The following DNAJA2 variants were observed in gnomAD, a reference collection of about 807,000 sequenced individuals.
DNAJA2 encodes the protein DnaJ heat shock protein family (Hsp40) member A2.
DNAJA2 carries 6 observed loss-of-function variants against 49.3 expected under a neutral mutation model. That is an observed-to-expected ratio of 0.12 (90% CI 0.07 to 0.24). DNAJA2 has a LOEUF of 0.24. Ranked by LOEUF, DNAJA2 falls within the 10% of genes least tolerant of loss-of-function variation. The pLI is 1.00. For synonymous variants in DNAJA2, 160 were observed against 172.7 expected (o/e 0.93, Z 0.58); for missense variants, 347 against 516.8 (o/e 0.67, Z 3.19).
intron 3 of DNAJA2, among the ~76,000 whole-genome samples, chr16:46,969,370 T>C (rs1962015358): frequency 6.6e-6 from 1 of 152,202 alleles, no homozygotes; most frequent in African/African-American, 2.4e-5. Flanking sequence ...ACCAAAACGC[T>C]TGTTGCATCT....
Position 46,955,370 on chromosome 16 carries a change from T to C in DNAJA2, c.*1659A>G, listed in dbSNP as rs1323693094. ...GACAGACTACACTGAACAACTGTTTTATAAACCTTTATTGGAAAGGCTACA... is the reference window on the plus strand; with the variant it reads ...GACAGACTACACTGAACAACTGTTTCATAAACCTTTATTGGAAAGGCTACA... On this transcript the variant is annotated 3_prime_UTR_variant, in exon 9 of 9. Coordinates refer to ENST00000317089, the MANE Select transcript of DNAJA2 (RefSeq NM_005880.4). The C allele has an allele frequency of 1.3e-5, 2 of 152,236 alleles. No individual in the cohort carries two copies. The highest frequency in any genetic ancestry group is 2.9e-5 in the Non-Finnish European group (2 of 68,036). The allele number at this position is 152,236 out of a possible 1,614,324, so 9.4% of individuals were successfully genotyped here.
At chr16:46,964,476 C>T in intron 6 of DNAJA2, 135 bp downstream of exon 6, 1 of 777,696 alleles carries the variant, frequency 1.3e-6, no homozygotes. Flanking sequence ...GTCTTAGGAA[C>T]TCACCATGAT....
intron 5 of DNAJA2, among the ~76,000 whole-genome samples, chr16:46,967,119 TTC>T: frequency 6.6e-6 from 1 of 152,286 alleles, no homozygotes; most frequent in Middle Eastern, 3.4e-3. Flanking sequence ...CAGGGTCTTG[TTC>T]TGTCACCCTG....
chr16:46,967,792 T>C lies in DNAJA2; in HGVS notation c.444-146A>G, dbSNP rs1048024158. ...CTTCCAGAAGTATCAGAAAACATTC[T>C]GCTAAGATTTTTTTACTTATTTATT... On this transcript the variant is annotated intron_variant, in intron 4 of 8. Transcript: ENST00000317089. 5 of 1,218,298 alleles carry C rather than the reference T, an allele frequency of 4.1e-6. No homozygotes were observed. In the Admixed American group the frequency reaches 1.2e-4, roughly 28 times the overall value. 75.5% of individuals were successfully genotyped at this position (1,218,298 alleles called of 1,614,324 possible).
rs1333522652 is a variant in DNAJA2 at position 46,973,484 on chromosome 16, C to T, written c.78+11G>A. On this transcript the variant is annotated intron_variant, in intron 1 of 8. Coordinates refer to ENST00000317089, the MANE Select transcript of DNAJA2 (RefSeq NM_005880.4). ...GCGCCCCTCACACCCGCCCGGCCCG[C>T]TCCCAGATACCTTCTTCAGCTCGTT... The T allele has an allele frequency of 6.3e-7, 1 of 1,594,474 alleles. No homozygotes were observed. Among genetic ancestry groups the T allele is most frequent in the East Asian group, 2.3e-5 (1 of 43,136 alleles).
Position 46,955,543 on chromosome 16 carries a change from T to G in DNAJA2, c.*1486A>C, listed in dbSNP as rs797008576. Reference sequence around the variant, plus strand: ...GAGGTAGAGTGGATAGGTCAATAATTTAAACCTCACAGGACTTGATTAGTG... The same window carrying G: ...GAGGTAGAGTGGATAGGTCAATAATGTAAACCTCACAGGACTTGATTAGTG... On this transcript the variant is annotated 3_prime_UTR_variant, in exon 9 of 9. Transcript: ENST00000317089. The G allele has an allele frequency of 4.6e-5, 7 of 152,302 alleles. No homozygotes were observed. The highest frequency in any genetic ancestry group is 1.7e-4 in the African/African-American group (7 of 41,572). 9.4% of individuals were successfully genotyped at this position (152,302 alleles called of 1,614,324 possible).
At chr16:46,966,520 T>C (rs984672161) in intron 5 of DNAJA2, among the ~76,000 whole-genome samples, 2 of 152,204 alleles carry the variant, frequency 1.3e-5, no homozygotes, top group African/African-American at 4.8e-5. Context: ...ATACAGAACA[T>C]TTCCATCATC....
chr16:46,964,906 T>A, intron 5 of DNAJA2, 99 bp from the exon 6 acceptor site: 1 of 1,019,426 alleles, frequency 9.8e-7, no homozygotes, highest in Non-Finnish European at 1.4e-6. Context: ...TTTTAATCAC[T>A]ACCTAAATTT....
intron 6 of DNAJA2, among the ~76,000 whole-genome samples, chr16:46,962,333 T>C (rs547782814): frequency 2.0e-4 from 30 of 152,256 alleles, no homozygotes; most frequent in African/African-American, 7.0e-4. Context: ...AAAACTAAAC[T>C]TAGGGATAAA....
chr16:46,967,930 G>A (rs904067265), intron 4 of DNAJA2, among the ~76,000 whole-genome samples, 154 bp downstream of exon 4: 1 of 151,916 alleles, frequency 6.6e-6, no homozygotes, highest in Non-Finnish European at 1.5e-5. Context: ...TGATCCACCC[G>A]ACTCGGCCTC....
intron 5 of DNAJA2, among the ~76,000 whole-genome samples, chr16:46,966,846 G>A (rs1961978469): frequency 6.6e-6 from 1 of 152,030 alleles, no homozygotes; most frequent in Non-Finnish European, 1.5e-5. Flanking sequence ...TTGATTATTT[G>A]TCCCTTTGTA....
chr16:46,972,934 G>A (rs1049655215), intron 1 of DNAJA2: 2 of 152,318 alleles, frequency 1.3e-5, no homozygotes, highest in Non-Finnish European at 2.9e-5. Context: ...ATGGGCGAGG[G>A]ACGCAGAGAG....
At chr16:46,962,900 G>C (rs538471007) in intron 6 of DNAJA2, among the ~76,000 whole-genome samples, 1 of 152,198 alleles carries the variant, frequency 6.6e-6, no homozygotes, top group African/African-American at 2.4e-5. Flanking sequence ...CCTAAAACCT[G>C]CATCTCAATA....
chr16:46,970,672 A>T (rs1383690056), intron 3 of DNAJA2, among the ~76,000 whole-genome samples: 1 of 127,786 alleles, frequency 7.8e-6, no homozygotes, highest in Non-Finnish European at 1.6e-5. Context: ...GAGGAGGGGG[A>T]TGCAGTGAGC....
At chr16:46,963,035 A>T (rs1261300923) in intron 6 of DNAJA2, among the ~76,000 whole-genome samples, 1 of 152,260 alleles carries the variant, frequency 6.6e-6, no homozygotes, top group East Asian at 1.9e-4. Context: ...TATAAATGAT[A>T]ATCAGCTTGC....
At chr16:46,973,412 A>G (rs985595084) in intron 1 of DNAJA2, 83 bp downstream of exon 1, 3 of 1,357,282 alleles carry the variant, frequency 2.2e-6, no homozygotes, top group East Asian at 6.1e-5. Flanking sequence ...CGGGCAGCCC[A>G]GTAGCGCGGC....
intron 1 of DNAJA2, chr16:46,972,917 C>CG (rs940118253): frequency 2.0e-5 from 3 of 152,408 alleles, no homozygotes; most frequent in African/African-American, 7.2e-5. Flanking sequence ...CAGCTACCTC[C>CG]GGGTCAATGG....
chr16:46,959,839 T>A lies in DNAJA2; in HGVS notation c.775-420A>T, dbSNP rs531372769. Reference sequence around the variant, plus strand: ...AAGGGGGGAGGGTCCAAGATCAACATAAAACCCAACATCAACCAGTTAACA... The same window carrying A: ...AAGGGGGGAGGGTCCAAGATCAACAAAAAACCCAACATCAACCAGTTAACA... On this transcript the variant is annotated intron_variant, in intron 6 of 8. Transcript: ENST00000317089. Among the ~76,000 whole-genome samples, 7 of 152,208 alleles carry A rather than the reference T, an allele frequency of 4.6e-5. No homozygotes were observed. The East Asian group carries it at 1.2e-3, about 25-fold the overall frequency.
intron 3 of DNAJA2, among the ~76,000 whole-genome samples, chr16:46,970,960 C>G (rs989787289): frequency 6.6e-6 from 1 of 151,758 alleles, no homozygotes; most frequent in Non-Finnish European, 1.5e-5. Flanking sequence ...ATCGCTTGAA[C>G]CCAGGAGGCA....
Sources: gnomAD v4.1 joint callset for allele counts (sites outside exome capture counted in the v4.1 genomes callset) on GRCh38, gnomAD v4.1.1 for gene constraint, MANE v1.5 for transcripts, NCBI Gene and HGNC (gene_info 2026-07-23, HGNC 2026-07-21) for gene names.